Variants in AFF2 observed in about 807,000 individuals in gnomAD.
AFF2 encodes ALF transcription elongation factor 2, also known as AF4/FMR2 family member 2.
A neutral mutation model predicts 76.9 loss-of-function variants in AFF2; 14 were observed. The ratio of observed to expected loss-of-function variants is 0.18; its 90% CI spans 0.12 to 0.28. The LOEUF (loss-of-function observed/expected upper bound fraction) is 0.28, where lower values mean the gene tolerates loss of function less well. Among genes scored for constraint, AFF2 ranks in the 10% least tolerant of loss-of-function variants. The pLI, the probability that AFF2 is intolerant of heterozygous loss-of-function variation, is 1.00. For missense variants in AFF2, 868 were observed against 1,001.1 expected (o/e 0.87, Z 1.79); for synonymous variants, 398 against 366.7 (o/e 1.09, Z -0.98).
intron 8 of AFF2, among the ~76,000 whole-genome samples, chrX:148,890,001 C>T (rs1169666726): frequency 1.8e-5 from 2 of 111,673 alleles, no homozygotes; most frequent in East Asian, 5.6e-4. Flanking sequence ...ATCTAAAAAG[C>T]TTCACATTCT....
chrX:148,710,553 A>T (rs190863523), intron 3 of AFF2, among the ~76,000 whole-genome samples: 195 of 112,324 alleles, frequency 1.7e-3, no homozygotes, highest in African/African-American at 6.2e-3. Context: ...ATTCAGTGGC[A>T]TTAAGTATGT....
chrX:148,587,116 G>C (rs1050374374), intron 1 of AFF2, among the ~76,000 whole-genome samples: 2 of 111,748 alleles, frequency 1.8e-5, no homozygotes, highest in Non-Finnish European at 3.8e-5. Flanking sequence ...TTCTAGACTA[G>C]AGCTTATACA....
At chrX:148,594,101 C>T (rs1316805706) in intron 1 of AFF2, among the ~76,000 whole-genome samples, 8 of 110,604 alleles carry the variant, frequency 7.2e-5, no homozygotes, top group Non-Finnish European at 1.3e-4. Context: ...CTGGGAATTT[C>T]GGTTTATGAA....
At chrX:148,673,276 G>T (rs782138096) in intron 3 of AFF2, among the ~76,000 whole-genome samples, 1 of 112,345 alleles carries the variant, frequency 8.9e-6, no homozygotes, top group Admixed American at 9.4e-5. Context: ...TCACAACTGA[G>T]TGGCTTAAAA....
chrX:148,938,150 A>G (rs782342493), intron 9 of AFF2, among the ~76,000 whole-genome samples: 1 of 112,217 alleles, frequency 8.9e-6, no homozygotes, highest in African/African-American at 3.2e-5. Context: ...ACTGTGTGGC[A>G]GACTTTGAGA....
intron 7 of AFF2, among the ~76,000 whole-genome samples, chrX:148,866,983 CA>C (rs1335408357): frequency 8.9e-6 from 1 of 112,064 alleles, no homozygotes; most frequent in Non-Finnish European, 1.9e-5. Context: ...CAACAACGCA[CA>C]TGTGGTAGAA....
chrX:148,962,393 A>G (rs1313562313), intron 12 of AFF2, among the ~76,000 whole-genome samples: 1 of 112,093 alleles, frequency 8.9e-6, no homozygotes, highest in African/African-American at 3.2e-5. Flanking sequence ...AATCTAATTA[A>G]CAGCAATCTT....
At chrX:148,736,854 C>T (rs2055290928) in intron 3 of AFF2, among the ~76,000 whole-genome samples, 1 of 111,633 alleles carries the variant, frequency 9.0e-6, no homozygotes, top group Non-Finnish European at 1.9e-5. Flanking sequence ...TATCCCAGCA[C>T]CATTTGTTGA....
At chrX:148,850,657 G>C (rs2070721655) in intron 7 of AFF2, among the ~76,000 whole-genome samples, 1 of 112,459 alleles carries the variant, frequency 8.9e-6, no homozygotes, top group African/African-American at 3.2e-5. Context: ...AAAGTGCTAT[G>C]ATCAGAGATA....
At chrX:148,794,922 T>C (rs1386923503) in intron 3 of AFF2, among the ~76,000 whole-genome samples, 2 of 111,624 alleles carry the variant, frequency 1.8e-5, no homozygotes, top group African/African-American at 6.5e-5. Context: ...GGGGCTAGTC[T>C]CCACCACCTC....
At chrX:148,585,461 G>T (rs2053457196) in intron 1 of AFF2, among the ~76,000 whole-genome samples, 1 of 111,955 alleles carries the variant, frequency 8.9e-6, no homozygotes, top group South Asian at 3.8e-4. Flanking sequence ...TTAGCACAGT[G>T]CTTGGCACAG....
In AFF2 at chrX:148,969,529, A is replaced by G. The variant is rs189755116; in HGVS notation, c.3267+1837A>G. On this transcript the variant is annotated intron_variant, in intron 15 of 20. Transcript: ENST00000370460. ...ATAACCTGTTCACATCCTCTAATAT[A>G]CATTAAATCATCTCTAGATCACTTA... 6.3e-3 allele frequency among the ~76,000 whole-genome samples: 705 copies of G among 112,267 alleles called. 9 individuals are homozygous for G. The highest frequency in any genetic ancestry group is 0.021 in the African/African-American group (650 of 30,899).
At chrX:148,581,604 G>GTATA (rs1557245035) in intron 1 of AFF2, among the ~76,000 whole-genome samples, 4 of 97,786 alleles carry the variant, frequency 4.1e-5, no homozygotes, top group African/African-American at 9.1e-5. Context: ...ATACGTATAC[G>GTATA]TGTACACACA....
At chrX:148,536,784 G>A (rs1450209029) in intron 1 of AFF2, among the ~76,000 whole-genome samples, 1 of 111,766 alleles carries the variant, frequency 8.9e-6, no homozygotes, top group East Asian at 2.8e-4. Flanking sequence ...GGGAATTTTG[G>A]TCTCTGTATG....
intron 12 of AFF2, among the ~76,000 whole-genome samples, chrX:148,959,632 A>G (rs1353904893): frequency 8.9e-6 from 1 of 112,349 alleles, no homozygotes; most frequent in Non-Finnish European, 1.9e-5. Context: ...CAGGATCAGT[A>G]GTTATTGGTG....
At chrX:148,910,970 A>G (rs1438167521) in intron 9 of AFF2, among the ~76,000 whole-genome samples, 2 of 111,136 alleles carry the variant, frequency 1.8e-5, no homozygotes, top group Non-Finnish European at 1.9e-5. Context: ...TGGACATTCC[A>G]CTTCTTTAAA....
chrX:148,739,438 C>A (rs181985868), intron 3 of AFF2, among the ~76,000 whole-genome samples: 77 of 111,018 alleles, frequency 6.9e-4, no homozygotes, highest in Non-Finnish European at 7.9e-4. Flanking sequence ...GTATAGCTAC[C>A]CCCTGCTTTA....
intron 7 of AFF2, among the ~76,000 whole-genome samples, chrX:148,853,027 T>C (rs2070748949): frequency 9.0e-6 from 1 of 111,714 alleles, no homozygotes; most frequent in African/African-American, 3.3e-5. Context: ...ACACAGCTAG[T>C]TGTTGAGGGA....
Position 148,503,021 on chromosome X carries a change from C to T in AFF2, c.47+1877C>T, listed in dbSNP as rs577251076. Among the ~76,000 whole-genome samples the T allele has an allele frequency of 1.2e-4, 13 of 112,142 alleles. No individual in the cohort carries two copies. In the East Asian group the frequency reaches 3.6e-3, roughly 31 times the overall value. On this transcript the variant is annotated intron_variant, in intron 1 of 20. Coordinates refer to ENST00000370460, the MANE Select transcript of AFF2 (RefSeq NM_002025.4). ...TTCCTCCAGATCCCTAACTGAGACA[C>T]ATCAGTTAAGAAGCATAGACTTGGA...
Sources: gnomAD v4.1 joint callset for allele counts (sites outside exome capture counted in the v4.1 genomes callset) on GRCh38, gnomAD v4.1.1 for gene constraint, MANE v1.5 for transcripts, NCBI Gene and HGNC (gene_info 2026-07-23, HGNC 2026-07-21) for gene names.